The following LINGO1 variants were observed in gnomAD, a reference collection of about 807,000 sequenced individuals.
The protein encoded by LINGO1 is leucine-rich repeat and immunoglobulin-like domain-containing nogo receptor-interacting protein 1.
LINGO1 carries 11 observed loss-of-function variants against 37.3 expected under a neutral mutation model. The observed-to-expected ratio is 0.29, with a 90% CI of 0.19 to 0.49. LINGO1 has a LOEUF of 0.49. Among genes scored for constraint, LINGO1 ranks in the 20% least tolerant of loss-of-function variants. The probability of loss-of-function intolerance (pLI) is 0.99; values close to 1 mark genes in which losing one functional copy is unlikely to be tolerated. For missense variants in LINGO1, 585 were observed against 878.2 expected (o/e 0.67, Z 4.22); for synonymous variants, 387 against 403.0 (o/e 0.96, Z 0.48).
intron 1 of LINGO1, among the ~76,000 whole-genome samples, chr15:77,818,495 C>T (rs1280067564): frequency 6.6e-6 from 1 of 152,230 alleles, no homozygotes; most frequent in Non-Finnish European, 1.5e-5. Flanking sequence ...TATGGGGCAC[C>T]AGGCCGGCAG....
chr15:77,681,104 CA>C (rs1156997331), intron 2 of LINGO1, among the ~76,000 whole-genome samples: 8 of 152,054 alleles, frequency 5.3e-5, no homozygotes, highest in African/African-American at 1.9e-4. Context: ...CCAGTGCAAC[CA>C]AAAACAAAGT....
chr15:77,614,901 A>G lies in LINGO1; in HGVS notation c.1006T>C (p.Tyr336His). The change falls in exon 2 of 2, where the codon TAC becomes CAC. Residue 336 changes from tyrosine to histidine, a missense_variant. Around this residue, in one of 4 missense-constraint regions of LINGO1, gnomAD observed 484 missense variants for 735.0 expected, o/e 0.66. Coordinates refer to ENST00000355300, the MANE Select transcript of LINGO1 (RefSeq NM_032808.7). ...VEPYAFRGLN[Y>H]LRVLNVSGNQ... The stretch of plus-strand genomic sequence containing the variant: ...CCAGAGACATTGAGCACGCGCAGGT[A>G]GTTGAGGCCGCGGAAGGCATAGGGC... 1 of 1,613,956 alleles carries G rather than the reference A, an allele frequency of 6.2e-7. No individual in the cohort carries two copies. Among genetic ancestry groups the G allele is most frequent in the Non-Finnish European group, 8.5e-7 (1 of 1,179,874 alleles).
chr15:77,644,668 A>T (rs2074584177), intron 3 of LINGO1, among the ~76,000 whole-genome samples: 1 of 152,216 alleles, frequency 6.6e-6, no homozygotes, highest in Non-Finnish European at 1.5e-5. Context: ...CTCACTGGCC[A>T]CTTCGGAAGC....
chr15:77,710,557 A>G (rs2075906191), intron 2 of LINGO1, among the ~76,000 whole-genome samples: 1 of 152,222 alleles, frequency 6.6e-6, no homozygotes, highest in Non-Finnish European at 1.5e-5. Context: ...CTCTAAATCA[A>G]AGGTTCTCCA....
At chr15:77,723,451 C>G (rs1452033949) in intron 2 of LINGO1, among the ~76,000 whole-genome samples, 1 of 152,182 alleles carries the variant, frequency 6.6e-6, no homozygotes, top group Non-Finnish European at 1.5e-5. Context: ...TGACGACAAC[C>G]GAGGCTGACG....
chr15:77,616,208 C>T (rs544354212), intron 1 of LINGO1, among the ~76,000 whole-genome samples: 6 of 152,304 alleles, frequency 3.9e-5, no homozygotes, highest in African/African-American at 7.2e-5. Context: ...ATTTCACAGG[C>T]GGTTGACTCC....
At chr15:77,628,346 T>A (rs1489327813) in intron 1 of LINGO1, among the ~76,000 whole-genome samples, 1 of 152,152 alleles carries the variant, frequency 6.6e-6, no homozygotes, top group Non-Finnish European at 1.5e-5. Flanking sequence ...ACTTTTAGGA[T>A]CACATGACAG....
Position 77,664,592 on chromosome 15 carries a change from A to G in LINGO1, c.-13+12497T>C, listed in dbSNP as rs147308733. Among the ~76,000 whole-genome samples the G allele has an allele frequency of 6.6e-3, 1,001 of 152,254 alleles. 14 individuals are homozygous for G. The highest frequency in any genetic ancestry group is 0.023 in the African/African-American group (958 of 41,548). ...AGCATCCTGTGGCAGGCACTCAGGT[A>G]TGTGTGGGGAGGTGGCTTGCACAAA... On this transcript the variant is annotated intron_variant, in intron 3 of 3. Transcript: ENST00000559893.
At chr15:77,789,969 G>A (rs866686643), upstream of LINGO1, among the ~76,000 whole-genome samples, 9 of 151,908 alleles carry the variant, frequency 5.9e-5, no homozygotes, top group Non-Finnish European at 2.9e-5. Flanking sequence ...ACCATGTCTC[G>A]CCATGTTGCC....
chr15:77,768,235 C>T (rs942358997), intron 1 of LINGO1, among the ~76,000 whole-genome samples: 2 of 106,344 alleles, frequency 1.9e-5, no homozygotes, highest in Non-Finnish European at 4.3e-5. Context: ...ACACCTGGGC[C>T]CCTCCCCTCC....
chr15:77,722,767 G>A (rs530642239), intron 2 of LINGO1, among the ~76,000 whole-genome samples: 1 of 152,276 alleles, frequency 6.6e-6, no homozygotes, highest in East Asian at 1.9e-4. Context: ...GGGTGTAGAG[G>A]AAAGAGGGCT....
intron 3 of LINGO1, among the ~76,000 whole-genome samples, chr15:77,660,881 A>C (rs1461672514): frequency 6.6e-6 from 1 of 152,062 alleles, no homozygotes; most frequent in African/African-American, 2.4e-5. Context: ...GGAGGGATGG[A>C]TGGAGGGCTG....
At chr15:77,616,430 C>T (rs2073723344) in intron 1 of LINGO1, among the ~76,000 whole-genome samples, 1 of 152,170 alleles carries the variant, frequency 6.6e-6, no homozygotes, top group African/African-American at 2.4e-5. Flanking sequence ...GCTGGGGGCC[C>T]CACTCGCTCA....
intron 1 of LINGO1, among the ~76,000 whole-genome samples, chr15:77,803,323 C>T (rs753760759): frequency 2.0e-5 from 3 of 152,114 alleles, no homozygotes; most frequent in African/African-American, 4.8e-5. Flanking sequence ...TGGCACACAC[C>T]TCTAGTCCCA....
intron 1 of LINGO1, among the ~76,000 whole-genome samples, chr15:77,782,522 G>A (rs934012228): frequency 1.3e-5 from 2 of 152,290 alleles, no homozygotes; most frequent in East Asian, 3.9e-4. Flanking sequence ...CCGAAGGCCC[G>A]ATGCTCCACT....
intron 1 of LINGO1, among the ~76,000 whole-genome samples, chr15:77,798,185 G>A (rs2076888646): frequency 6.6e-6 from 1 of 152,212 alleles, no homozygotes; most frequent in Non-Finnish European, 1.5e-5. Context: ...TGCCAGCCTA[G>A]GACACAGGGG....
chr15:77,677,751 C>T (rs891321428), intron 2 of LINGO1, among the ~76,000 whole-genome samples: 5 of 152,284 alleles, frequency 3.3e-5, no homozygotes, highest in Admixed American at 3.3e-4. Flanking sequence ...CACCCTTCCT[C>T]ATTCTTCACT....
chr15:77,679,904 C>T (rs2075386369), intron 2 of LINGO1, among the ~76,000 whole-genome samples: 1 of 152,232 alleles, frequency 6.6e-6, no homozygotes, highest in Non-Finnish European at 1.5e-5. Context: ...ACAGCCGTGG[C>T]TCTTCTGAAA....
intron 1 of LINGO1, among the ~76,000 whole-genome samples, chr15:77,626,921 T>C (rs1301381701): frequency 6.6e-6 from 1 of 151,798 alleles, no homozygotes; most frequent in South Asian, 2.1e-4. Context: ...CCGTGTTGCA[T>C]CCAAGTAAAG....
Sources: allele counts gnomAD v4.1 joint callset (sites outside exome capture counted in the v4.1 genomes callset), GRCh38; gene constraint gnomAD v4.1.1; regional missense constraint gnomAD v4.1.1; transcripts MANE v1.5; gene names NCBI Gene and HGNC (gene_info 2026-07-23, HGNC 2026-07-21).